LOXL2: variants seen among roughly 807,000 people sequenced by gnomAD.
LOXL2 encodes the protein lysyl oxidase like 2, also known as lysyl oxidase homolog 2.
LOXL2 carries 70 observed loss-of-function variants against 93.0 expected under a neutral mutation model. That is an observed-to-expected ratio of 0.75 (90% CI 0.62 to 0.92). LOXL2 has a LOEUF of 0.92. Ranked by LOEUF, LOXL2 falls within the 40% of genes least tolerant of loss-of-function variation. LOXL2 has a pLI of 0.00. For synonymous variants in LOXL2, 438 were observed against 413.2 expected (o/e 1.06, Z -0.73); for missense variants, 973 against 1,054.9 (o/e 0.92, Z 1.08).
chr8:23,301,403 C>T (rs1156486909), intron 12 of LOXL2, among the ~76,000 whole-genome samples: 1 of 152,168 alleles, frequency 6.6e-6, no homozygotes, highest in East Asian at 1.9e-4. Context: ...TGGCCTTCCA[C>T]CCAGAGTATG....
intron 1 of LOXL2, among the ~76,000 whole-genome samples, chr8:23,373,813 C>T (rs1010461724): frequency 7.9e-5 from 12 of 152,106 alleles, no homozygotes; most frequent in Middle Eastern, 6.8e-3. Flanking sequence ...TCCCCCACCG[C>T]GAAGCTCTAC....
chr8:23,320,438 C>A (rs530974846), intron 7 of LOXL2, among the ~76,000 whole-genome samples: 1 of 152,172 alleles, frequency 6.6e-6, no homozygotes, highest in Non-Finnish European at 1.5e-5. Context: ...CCCTACCTGG[C>A]GGGTTCCAGA....
chr8:23,323,789 C>T (rs546823311), intron 6 of LOXL2, among the ~76,000 whole-genome samples: 109 of 152,258 alleles, frequency 7.2e-4, no homozygotes, highest in African/African-American at 2.3e-3. Context: ...GCAACCTCCA[C>T]CTCCCAGGTT....
At chr8:23,330,332 T>TCAAAACAAAA (rs5890099) in intron 5 of LOXL2, among the ~76,000 whole-genome samples, 3 of 150,090 alleles carry the variant, frequency 2.0e-5, no homozygotes, top group Admixed American at 6.6e-5. Flanking sequence ...AGACTCCGTC[T>TCAAAACAAAA]CAAAACAAAA....
chr8:23,334,427 T>C (rs1468237433), intron 4 of LOXL2, among the ~76,000 whole-genome samples: 1 of 152,250 alleles, frequency 6.6e-6, no homozygotes, highest in Non-Finnish European at 1.5e-5. Context: ...AGATTAAATT[T>C]GTATTTCCAA....
Position 23,309,855 on chromosome 8 carries a change from C to T in LOXL2, c.1693G>A (p.Asp565Asn). The change falls in exon 10 of 14, where the codon GAC becomes AAC. Residue 565 changes from aspartate to asparagine, a missense_variant. Physicochemically the swap from Asp to Asn is conservative, Grantham distance 23. Coordinates refer to ENST00000389131, the MANE Select transcript of LOXL2 (RefSeq NM_002318.3). Reference protein sequence around the residue: ...EMVQQTTYLEDRPMFMLQCAM... With the variant: ...EMVQQTTYLENRPMFMLQCAM... ...CACTGCAGCATGAACATGGGCCGGT[C>T]CTCCAGGTAGGTGGTCTGCTGCACC... The T allele has an allele frequency of 6.3e-7, 1 of 1,588,160 alleles. No individual in the cohort carries two copies. Among genetic ancestry groups the T allele is most frequent in the Non-Finnish European group, 8.6e-7 (1 of 1,166,022 alleles).
At chr8:23,350,051 G>C (rs1463434494) in intron 3 of LOXL2, among the ~76,000 whole-genome samples, 2 of 151,984 alleles carry the variant, frequency 1.3e-5, no homozygotes, top group Non-Finnish European at 2.9e-5. Flanking sequence ...CTTTGTCCAG[G>C]CATCCTTTTG....
intron 3 of LOXL2, among the ~76,000 whole-genome samples, chr8:23,356,373 T>G (rs1234959277): frequency 6.6e-6 from 1 of 152,238 alleles, no homozygotes; most frequent in Non-Finnish European, 1.5e-5. Flanking sequence ...GGAATGATCC[T>G]ATGACTTCAG....
At chr8:23,399,374 A>G (rs10105752) in intron 1 of LOXL2, among the ~76,000 whole-genome samples, 12,870 of 152,214 alleles carry the variant, frequency 0.085, 694 homozygotes, top group African/African-American at 0.14. Context: ...TTAATCCCCA[A>G]TGTGGCAGTT....
At chr8:23,391,543 T>C (rs1029949501) in intron 1 of LOXL2, among the ~76,000 whole-genome samples, 29 of 152,104 alleles carry the variant, frequency 1.9e-4, no homozygotes, top group African/African-American at 6.8e-4. Context: ...ACACACACTC[T>C]CTCAGACACA....
Position 23,332,188 on chromosome 8 carries a change from A to ACTCTCT in LOXL2, c.966+1212_966+1213insAGAGAG, listed in dbSNP as rs58598945. ...CACTCACACTCTCTCACACACACAC[A>ACTCTCT]CACACCCCACACACACCCACACCCA... On this transcript the variant is annotated intron_variant, in intron 5 of 13. Coordinates refer to ENST00000389131, the MANE Select transcript of LOXL2 (RefSeq NM_002318.3). Among the ~76,000 whole-genome samples, 4 of 146,546 alleles carry ACTCTCT rather than the reference A, an allele frequency of 2.7e-5. No individual in the cohort carries two copies. In the East Asian group the frequency reaches 8.5e-4, roughly 31 times the overall value.
chr8:23,347,164 CACAA>C (rs1184180885), intron 3 of LOXL2, among the ~76,000 whole-genome samples: 7 of 95,528 alleles, frequency 7.3e-5, no homozygotes, highest in African/African-American at 2.2e-4. Flanking sequence ...ACTAAACACA[CACAA>C]ACACACACAC....
At chr8:23,350,132 GA>G in intron 3 of LOXL2, among the ~76,000 whole-genome samples, 1 of 152,180 alleles carries the variant, frequency 6.6e-6, no homozygotes, top group South Asian at 2.1e-4. Flanking sequence ...TTACTGAACT[GA>G]ATTAAAAGCC....
intron 1 of LOXL2, among the ~76,000 whole-genome samples, chr8:23,379,203 C>T (rs1277677930): frequency 6.6e-6 from 1 of 152,132 alleles, no homozygotes; most frequent in Non-Finnish European, 1.5e-5. Context: ...GAGGTCCACT[C>T]CAGACCCTGT....
At chr8:23,343,044 G>C (rs1803909555) in intron 3 of LOXL2, among the ~76,000 whole-genome samples, 1 of 152,162 alleles carries the variant, frequency 6.6e-6, no homozygotes, top group Non-Finnish European at 1.5e-5. Context: ...AGGCACTGCA[G>C]CTGGCTCTTT....
intron 1 of LOXL2, chr8:23,402,908 T>G (rs1585388330): frequency 6.6e-6 from 1 of 152,354 alleles, no homozygotes; most frequent in African/African-American, 2.4e-5. Context: ...CTAACCATAT[T>G]GAGTAGTTCA....
intron 12 of LOXL2, among the ~76,000 whole-genome samples, chr8:23,299,760 G>A (rs900107085): frequency 6.6e-6 from 1 of 152,236 alleles, no homozygotes; most frequent in African/African-American, 2.4e-5. Flanking sequence ...CACAGCAGGG[G>A]GGCGGGTACA....
At chr8:23,370,740 T>G (rs1352332979) in intron 1 of LOXL2, 1 of 152,266 alleles carries the variant, frequency 6.6e-6, no homozygotes, top group African/African-American at 2.4e-5. Context: ...CTCCAGGGAC[T>G]GGGGAGACCG....
intron 5 of LOXL2, among the ~76,000 whole-genome samples, 186 bp downstream of exon 5, chr8:23,333,215 G>A (rs1432558775): frequency 6.6e-6 from 1 of 152,094 alleles, no homozygotes; most frequent in Non-Finnish European, 1.5e-5. Context: ...CTGATGCTGG[G>A]GTATTCTTCT....
Sources: gnomAD v4.1 joint callset for allele counts (sites outside exome capture counted in the v4.1 genomes callset) on GRCh38, gnomAD v4.1.1 for gene constraint, MANE v1.5 for transcripts, NCBI Gene and HGNC (gene_info 2026-07-23, HGNC 2026-07-21) for gene names.